Variants in FGF12 observed in about 807,000 individuals in gnomAD.
The protein encoded by FGF12 is fibroblast growth factor 12B.
FGF12 carries 14 observed loss-of-function variants against 23.6 expected under a neutral mutation model. The observed-to-expected ratio is 0.59, with a 90% CI of 0.39 to 0.93. FGF12 has a LOEUF of 0.93. FGF12 is among the 40% of genes least tolerant of loss of function. The pLI, the probability that FGF12 is intolerant of heterozygous loss-of-function variation, is 0.00. For synonymous variants in FGF12, 62 were observed against 77.3 expected (o/e 0.80, Z 1.04); for missense variants, 175 against 217.8 (o/e 0.80, Z 1.24).
chr3:192,304,025 C>T (rs894428479), intron 4 of FGF12, among the ~76,000 whole-genome samples: 7 of 152,140 alleles, frequency 4.6e-5, no homozygotes, highest in Admixed American at 1.3e-4. Context: ...AATGCTAGGA[C>T]GTGATTCAGG....
At chr3:192,507,878 T>A (rs960371720) in intron 2 of FGF12, among the ~76,000 whole-genome samples, 1 of 152,202 alleles carries the variant, frequency 6.6e-6, no homozygotes, top group African/African-American at 2.4e-5. Context: ...GAGAATGGCT[T>A]CATAATGACT....
chr3:192,535,308 C>T (rs982441222), intron 2 of FGF12, among the ~76,000 whole-genome samples: 2 of 152,112 alleles, frequency 1.3e-5, no homozygotes, highest in South Asian at 2.1e-4. Context: ...TCCATATATC[C>T]ATAGGGAAAA....
intron 2 of FGF12, among the ~76,000 whole-genome samples, chr3:192,377,869 T>A (rs1404293549): frequency 6.6e-6 from 1 of 152,230 alleles, no homozygotes; most frequent in Non-Finnish European, 1.5e-5. Context: ...TCTGAACAGA[T>A]GTTTTCCCTA....
intron 4 of FGF12, among the ~76,000 whole-genome samples, chr3:192,215,506 C>T (rs1336477004): frequency 2.0e-5 from 3 of 152,048 alleles, no homozygotes; most frequent in Non-Finnish European, 4.4e-5. Context: ...GCATTGGGCC[C>T]AAATGTAAGT....
intron 2 of FGF12, among the ~76,000 whole-genome samples, chr3:192,499,435 A>G (rs1015806601): frequency 6.4e-5 from 9 of 139,590 alleles, no homozygotes; most frequent in Non-Finnish European, 1.2e-4. Flanking sequence ...CTGGCCCTCA[A>G]TTTATTAATC....
chr3:192,215,535 TG>T (rs1718148901), intron 4 of FGF12, among the ~76,000 whole-genome samples: 1 of 152,184 alleles, frequency 6.6e-6, no homozygotes, highest in Admixed American at 6.5e-5. Context: ...AATGGTTATA[TG>T]GGTCTTAAAG....
At position 192,514,100 on chromosome 3, in the gene FGF12, AC is replaced by A. The variant is rs1724578125; in HGVS notation, c.14-153563del. Among the ~76,000 whole-genome samples, 1 of 152,028 alleles carries A rather than the reference AC, an allele frequency of 6.6e-6. No individual in the cohort carries two copies. Among genetic ancestry groups the A allele is most frequent in the Admixed American group, 6.6e-5 (1 of 15,264 alleles). On this transcript the variant is annotated intron_variant, in intron 2 of 5. Transcript: ENST00000445105. The surrounding 1 kb of genome is among the most constrained non-coding windows in gnomAD (Gnocchi z 4.9). The stretch of plus-strand genomic sequence containing the variant: ...TCCTCCGTGTAGTCTTTCCCAGGGC[AC>A]CCGGTTGAAGCCCAAGGCTAACTGG...
chr3:192,189,884 T>C (rs1716684223), intron 4 of FGF12, among the ~76,000 whole-genome samples: 1 of 152,122 alleles, frequency 6.6e-6, no homozygotes, highest in Non-Finnish European at 1.5e-5. Context: ...ACCCAGTCCC[T>C]CCCTTTCCTC....
At chr3:192,379,273 T>C (rs1391218327) in intron 2 of FGF12, among the ~76,000 whole-genome samples, 2 of 152,190 alleles carry the variant, frequency 1.3e-5, no homozygotes, top group East Asian at 3.8e-4. Context: ...TACATGTGTA[T>C]ATGACTATTT....
At chr3:192,568,891 A>G (rs941620260) in intron 2 of FGF12, among the ~76,000 whole-genome samples, 1 of 152,126 alleles carries the variant, frequency 6.6e-6, no homozygotes, top group African/African-American at 2.4e-5. Flanking sequence ...AGACTCAGGT[A>G]TGAGATAACA....
At chr3:192,231,757 A>G (rs555659952) in intron 4 of FGF12, among the ~76,000 whole-genome samples, 1 of 152,146 alleles carries the variant, frequency 6.6e-6, no homozygotes, top group African/African-American at 2.4e-5. Flanking sequence ...GCAACACAGC[A>G]AGACTCTGTC....
chr3:192,488,240 C>T (rs1339945014), intron 2 of FGF12, among the ~76,000 whole-genome samples: 2 of 152,048 alleles, frequency 1.3e-5, no homozygotes, highest in East Asian at 3.8e-4. Flanking sequence ...AATCTTGAAA[C>T]ATACCAATAG....
chr3:192,664,072 T>C (rs780088267), intron 2 of FGF12, among the ~76,000 whole-genome samples: 1 of 152,218 alleles, frequency 6.6e-6, no homozygotes, highest in Non-Finnish European at 1.5e-5. Context: ...AAAATGCTCC[T>C]ACCTTTCTCA....
intron 2 of FGF12, among the ~76,000 whole-genome samples, chr3:192,624,404 C>T (rs1196848088): frequency 6.6e-6 from 1 of 151,910 alleles, no homozygotes; most frequent in Non-Finnish European, 1.5e-5. Context: ...CCTTCCAATA[C>T]CAGCGAATGC....
intron 2 of FGF12, among the ~76,000 whole-genome samples, chr3:192,391,075 T>G (rs1027294027): frequency 6.6e-6 from 1 of 152,070 alleles, no homozygotes; most frequent in Non-Finnish European, 1.5e-5. Flanking sequence ...AAAAATGAGT[T>G]TATCCAAGGA....
rs1553844109 is a variant in FGF12, at chr3:192,158,367, T to TTTCTTTCTTTC, written c.427+12080_427+12090dup. On this transcript the variant is annotated intron_variant, in intron 5 of 5. Transcript: ENST00000445105. ...CTTTCTTTCTTTCTTTCTTTCTTTC[T>TTTCTTTCTTTC]TTCTTTCTTTCTTTCTTTTCTTTCT... Among the ~76,000 whole-genome samples, 424 of 122,542 alleles carry TTTCTTTCTTTC rather than the reference T, an allele frequency of 3.5e-3. 8 individuals are homozygous for TTTCTTTCTTTC. Among genetic ancestry groups the TTTCTTTCTTTC allele is most frequent in the African/African-American group, 8.1e-3 (256 of 31,442 alleles). 80.4% of individuals were successfully genotyped at this position (122,542 alleles called of 152,430 possible).
At chr3:192,266,778 A>G (rs560335425) in intron 4 of FGF12, among the ~76,000 whole-genome samples, 1 of 151,440 alleles carries the variant, frequency 6.6e-6, no homozygotes, top group East Asian at 1.9e-4. Context: ...TCAAAAGTCA[A>G]TTTGCTCTAT....
At chr3:192,540,333 C>T (rs1725335276) in intron 2 of FGF12, among the ~76,000 whole-genome samples, 1 of 151,844 alleles carries the variant, frequency 6.6e-6, no homozygotes, top group South Asian at 2.1e-4. Flanking sequence ...TTCAGTGTGT[C>T]GTGTCTCCAT....
intron 4 of FGF12, among the ~76,000 whole-genome samples, chr3:192,273,052 C>G (rs896217705): frequency 6.6e-6 from 1 of 152,140 alleles, no homozygotes; most frequent in Non-Finnish European, 1.5e-5. Flanking sequence ...GTGGATAGAG[C>G]CACACTTCCC....
Sources: allele counts gnomAD v4.1 joint callset (sites outside exome capture counted in the v4.1 genomes callset), GRCh38; gene constraint gnomAD v4.1.1; non-coding constraint Gnocchi (gnomAD v3.1); transcripts MANE v1.5; gene names NCBI Gene and HGNC (gene_info 2026-07-23, HGNC 2026-07-21).